The following ZNF345 variants were observed in gnomAD, a reference collection of about 807,000 sequenced individuals.
ZNF345 encodes zinc finger protein HZF10.
For missense variants in ZNF345, 527 were observed against 589.9 expected, an observed-to-expected ratio of 0.89 and a Z score of 1.10; for synonymous variants, 166 against 187.9, an observed-to-expected ratio of 0.88 and a Z score of 0.95.
chr19:36,865,124 G>A (rs1203789958), intron 2 of ZNF345, among the ~76,000 whole-genome samples: 1 of 152,178 alleles, frequency 6.6e-6, no homozygotes, highest in Non-Finnish European at 1.5e-5. Flanking sequence ...GAAACTGAAT[G>A]TGCTGCAGGA....
chr19:36,887,926 T>A (rs2073012456), intron 3 of ZNF345, among the ~76,000 whole-genome samples: 1 of 152,186 alleles, frequency 6.6e-6, no homozygotes, highest in South Asian at 2.1e-4. Flanking sequence ...AAAATAATAG[T>A]TATGTGTACA....
intron 3 of ZNF345, chr19:36,888,628 G>C (rs1174344219): frequency 1.3e-5 from 2 of 152,190 alleles, no homozygotes; most frequent in Non-Finnish European, 2.9e-5. Flanking sequence ...ATATAGTGTA[G>C]TGGGGAAAGT....
chr19:36,867,133 G>A (rs1459132695), intron 2 of ZNF345, among the ~76,000 whole-genome samples: 2 of 152,104 alleles, frequency 1.3e-5, no homozygotes, highest in East Asian at 1.9e-4. Flanking sequence ...TATATTTGCC[G>A]CCGCCTTTGC....
chr19:36,885,742 C>T (rs1263764329), intron 3 of ZNF345, among the ~76,000 whole-genome samples: 1 of 152,034 alleles, frequency 6.6e-6, no homozygotes, highest in African/African-American at 2.4e-5. Context: ...TTCAACTAGC[C>T]ACAGGAAGAG....
intron 3 of ZNF345, among the ~76,000 whole-genome samples, chr19:36,886,314 T>TA (rs1432186082): frequency 2.0e-5 from 3 of 152,140 alleles, no homozygotes; most frequent in African/African-American, 7.2e-5. Context: ...GAGAAAAGAC[T>TA]AAATTTACAC....
In ZNF345 at chr19:36,892,219, T is replaced by C. The variant is rs375229250; in HGVS notation, c.47-599T>C. On this transcript the variant is annotated intron_variant, in intron 3 of 3. Transcript: ENST00000526123. The stretch of plus-strand genomic sequence containing the variant: ...AACGAGTGAGCCACGACTAAAGGAC[T>C]TCCCATACTCCTTAGATTCATAGTG... 1.7e-5 allele frequency: 27 copies of C among 1,614,024 alleles called. No homozygotes were observed. The Middle Eastern group carries it at 4.9e-4, about 29-fold the overall frequency.
chr19:36,873,876 T>G (rs2072822346), intron 2 of ZNF345, among the ~76,000 whole-genome samples: 1 of 152,154 alleles, frequency 6.6e-6, no homozygotes, highest in African/African-American at 2.4e-5. Context: ...TGTTCATCCA[T>G]CAGTGGGCAC....
chr19:36,881,075 A>C (rs545694381), downstream of ZNF345, among the ~76,000 whole-genome samples: 9 of 152,360 alleles, frequency 5.9e-5, no homozygotes, highest in South Asian at 2.1e-4. Context: ...TGAAAACAAA[A>C]ATAGTAGCAG....
At chr19:36,867,253 G>A (rs77535075) in intron 2 of ZNF345, among the ~76,000 whole-genome samples, 2,875 of 152,206 alleles carry the variant, frequency 0.019, 104 homozygotes, top group African/African-American at 0.066. Flanking sequence ...CATGACTACT[G>A]ATGAAACAGA....
chr19:36,852,135 T>C (rs1338924305), intron 2 of ZNF345, among the ~76,000 whole-genome samples: 4 of 146,372 alleles, frequency 2.7e-5, no homozygotes, highest in African/African-American at 1.0e-4. Flanking sequence ...TTTCTTTTTT[T>C]TTTTTTTTTT....
chr19:36,889,621 A>G (rs1388481516), intron 3 of ZNF345: 2 of 152,186 alleles, frequency 1.3e-5, no homozygotes, highest in Non-Finnish European at 2.9e-5. Context: ...ATCAGTTATA[A>G]TATCACCTTA....
At chr19:36,851,446 TC>T (rs2146107083) in intron 1 of ZNF345, 1 of 152,478 alleles carries the variant, frequency 6.6e-6, no homozygotes, top group South Asian at 2.1e-4. Flanking sequence ...TGTGGTTGTG[TC>T]CGTGTCTACC....
chr19:36,877,222 C>A lies in ZNF345; in HGVS notation c.392C>A (p.Ser131Ter). ...KECGKAFGSG[S>*]NLTHHQRIHT... is the part of the protein sequence containing the mutation. ...TGTGGGAAGGCCTTTGGTAGTGGCT[C>A]AAACCTTACTCACCATCAGAGAATT... is the stretch of plus-strand genomic sequence containing the variant. The change falls in exon 3 of 3, where the codon TCA becomes TAA. Residue 131 changes from serine (S) to a stop codon, truncating the protein, a stop_gained. Coordinates refer to ENST00000420450, the MANE Select transcript of ZNF345 (RefSeq NM_001242472.2). LOFTEE classifies it low-confidence loss of function (END_TRUNC). 6.2e-7 allele frequency: 1 copy of A among 1,614,000 alleles called. No homozygotes were observed. Among genetic ancestry groups the A allele is most frequent in the African/African-American group, 1.3e-5 (1 of 75,004 alleles).
intron 2 of ZNF345, among the ~76,000 whole-genome samples, chr19:36,863,948 T>C (rs1478440128): frequency 6.6e-6 from 1 of 152,216 alleles, no homozygotes; most frequent in African/African-American, 2.4e-5. Context: ...CCCATTGGCA[T>C]GGAACTCTGC....
At chr19:36,870,794 A>G (rs1268032552) in intron 2 of ZNF345, among the ~76,000 whole-genome samples, 1 of 152,130 alleles carries the variant, frequency 6.6e-6, no homozygotes, top group African/African-American at 2.4e-5. Context: ...ATAAAAATAT[A>G]TGTAAATGTA....
At chr19:36,880,355 G>GA (rs1425500291), downstream of ZNF345, among the ~76,000 whole-genome samples, 2 of 151,834 alleles carry the variant, frequency 1.3e-5, no homozygotes, top group African/African-American at 4.8e-5. Context: ...TTGTCCTACA[G>GA]AAAAAATAAT....
chr19:36,883,514 A>G (rs1321512535), downstream of ZNF345, among the ~76,000 whole-genome samples: 2 of 152,194 alleles, frequency 1.3e-5, no homozygotes, highest in Non-Finnish European at 2.9e-5. Flanking sequence ...ATTTAGGTAT[A>G]TAAAATACTG....
At position 36,877,365 on chromosome 19, in the gene ZNF345, T is replaced by C. The variant is rs771113392; in HGVS notation, c.535T>C (p.Cys179Arg). Residue 179 changes from cysteine to arginine, a missense_variant, in exon 3 of 3, where the codon TGT (cysteine) becomes CGT (arginine). By Grantham distance (180) the Cys-to-Arg change is radical. Transcript: ENST00000420450. Reference protein sequence around the residue: ...SGEKPYECKECGKSFSFESAL... With the variant: ...SGEKPYECKERGKSFSFESAL... ...TGAGAAGCCTTATGAGTGTAAGGAA[T>C]GTGGGAAGTCCTTTAGTTTTGAATC... 3.1e-6 allele frequency: 5 copies of C among 1,614,150 alleles called. No homozygotes were observed. Among genetic ancestry groups the C allele is most frequent in the Non-Finnish European group, 4.2e-6 (5 of 1,180,024 alleles).
rs370948721 is a variant in ZNF345 at position 36,868,826 on chromosome 19, A to G, written c.-46-7959A>G. On this transcript the variant is annotated intron_variant, in intron 2 of 2. Coordinates refer to ENST00000420450, the MANE Select transcript of ZNF345 (RefSeq NM_001242472.2). ...CTTTTAGTAGAGACAGGGTTTCACCATGTTGGCCAAGCTAGTCTCAAACTC... is the reference window on the plus strand; with the variant it reads ...CTTTTAGTAGAGACAGGGTTTCACCGTGTTGGCCAAGCTAGTCTCAAACTC... Among the ~76,000 whole-genome samples the G allele has an allele frequency of 5.2e-4, 79 of 151,988 alleles. 1 individual carries two copies. The East Asian group carries it at 0.013, about 24-fold the overall frequency.
Sources: gnomAD v4.1 joint callset for allele counts (sites outside exome capture counted in the v4.1 genomes callset) on GRCh38, gnomAD v4.1.1 for gene constraint, MANE v1.5 for transcripts, NCBI Gene and HGNC (gene_info 2026-07-23, HGNC 2026-07-21) for gene names.